CLNK: variants seen among roughly 807,000 people sequenced by gnomAD.
The protein encoded by CLNK is cytokine-dependent hematopoietic cell linker.
CLNK carries 74 observed loss-of-function variants against 68.6 expected under a neutral mutation model. The ratio of observed to expected loss-of-function variants is 1.08; its 90% CI spans 0.89 to 1.31. The LOEUF is 1.31. Ranked by LOEUF, CLNK falls within the 50% of genes most tolerant of loss-of-function variation. The pLI is 0.00. For missense variants in CLNK, 553 were observed against 515.3 expected (o/e 1.07, Z -0.71); for synonymous variants, 198 against 172.2 (o/e 1.15, Z -1.17).
intron 17 of CLNK, among the ~76,000 whole-genome samples, chr4:10,504,483 A>G (rs561847204): frequency 1.3e-5 from 2 of 152,310 alleles, no homozygotes; most frequent in African/African-American, 4.8e-5. Flanking sequence ...TTTACAGGTA[A>G]AGGAATAAAG....
chr4:10,622,305 G>A (rs990799192), intron 2 of CLNK, among the ~76,000 whole-genome samples: 4 of 152,268 alleles, frequency 2.6e-5, no homozygotes, highest in Non-Finnish European at 5.9e-5. Flanking sequence ...ACTCTGGGAG[G>A]CAAACTTGGG....
chr4:10,685,610 A>T (rs1337074278), upstream of CLNK, among the ~76,000 whole-genome samples: 1 of 152,166 alleles, frequency 6.6e-6, no homozygotes. Context: ...AAACTCCAAC[A>T]TTATTTACAA....
chr4:10,533,589 CTTACATCT>C (rs1718635006), intron 11 of CLNK, among the ~76,000 whole-genome samples: 1 of 152,190 alleles, frequency 6.6e-6, no homozygotes, highest in South Asian at 2.1e-4. Flanking sequence ...GTTTTAGCCT[CTTACATCT>C]TACCCCCTGC....
rs561101671 is a variant in CLNK, at chr4:10,667,465, C to G, written c.11+394G>C. Among the ~76,000 whole-genome samples, 3 of 150,384 alleles carry G rather than the reference C, an allele frequency of 2.0e-5. No individual in the cohort carries two copies. In the South Asian group the frequency reaches 6.3e-4, roughly 32 times the overall value. On this transcript the variant is annotated intron_variant, in intron 2 of 18. Transcript: ENST00000226951. ...ATTTCGGTGTCTCAGACTGACCACA[C>G]CACTTTTGGTGTCCACAAAGAGAAA...
chr4:10,679,209 C>T (rs1252902073), intron 1 of CLNK, among the ~76,000 whole-genome samples: 6 of 152,092 alleles, frequency 3.9e-5, no homozygotes, highest in Non-Finnish European at 2.9e-5. Context: ...AGAAATAATG[C>T]CACATATCTA....
chr4:10,688,889 A>G (rs944306660), upstream of CLNK, among the ~76,000 whole-genome samples: 1 of 152,044 alleles, frequency 6.6e-6, no homozygotes, highest in Non-Finnish European at 1.5e-5. Flanking sequence ...ACAATTATAG[A>G]CTCACAAGAA....
Position 10,490,296 on chromosome 4 carries a change from G to T in CLNK, c.*171C>A. ...GCATGTTATAAATATTTTCTCTGTGGTTTGAACTTTCAAAACCGTGAGTGA... is the reference window on the plus strand; with the variant it reads ...GCATGTTATAAATATTTTCTCTGTGTTTTGAACTTTCAAAACCGTGAGTGA... On this transcript the variant is annotated 3_prime_UTR_variant, in exon 19 of 19. Coordinates refer to ENST00000226951, the MANE Select transcript of CLNK (RefSeq NM_052964.4). The T allele has an allele frequency of 1.9e-6, 1 of 521,272 alleles. No homozygotes were observed. Among genetic ancestry groups the T allele is most frequent in the Non-Finnish European group, 3.2e-6 (1 of 316,498 alleles). The allele number at this position is 521,272 out of a possible 1,614,324, so 32.3% of individuals were successfully genotyped here.
intron 8 of CLNK, among the ~76,000 whole-genome samples, chr4:10,548,384 C>G (rs765951583): frequency 3.3e-5 from 5 of 152,158 alleles, no homozygotes; most frequent in Admixed American, 1.3e-4. Context: ...GTATCAGTTC[C>G]TTGTCTATAT....
At chr4:10,528,041 G>A in intron 13 of CLNK, 35 bp downstream of exon 13, 1 of 1,225,844 alleles carries the variant, frequency 8.2e-7, no homozygotes, top group Non-Finnish European at 1.1e-6. Context: ...TAGTCTATTA[G>A]TATTAGGGTA....
At position 10,488,793 on chromosome 4, in the gene CLNK, A is replaced by AGGG. The variant is rs1716446080; in HGVS notation, c.*1673_*1674insCCC. 1 of 152,232 alleles carries AGGG rather than the reference A, an allele frequency of 6.6e-6. No homozygotes were observed. The highest frequency in any genetic ancestry group is 6.5e-5 in the Admixed American group (1 of 15,282). 9.4% of individuals were successfully genotyped at this position (152,232 alleles called of 1,614,324 possible). On this transcript the variant is annotated 3_prime_UTR_variant, in exon 19 of 19. Transcript: ENST00000226951. Reference sequence around the variant, plus strand: ...GAGAGCTCATTGTCTGCTGTCTTACAAAAGAGATAATCCTGCACATTGTTT... The same window carrying AGGG: ...GAGAGCTCATTGTCTGCTGTCTTACAGGGAAAGAGATAATCCTGCACATTGTTT...
chr4:10,632,733 G>A (rs1224889986), intron 2 of CLNK, among the ~76,000 whole-genome samples: 1 of 152,036 alleles, frequency 6.6e-6, no homozygotes, highest in African/African-American at 2.4e-5. Context: ...ACACACCCAT[G>A]TTACCTTTGT....
At chr4:10,699,315 A>G in the CLNK span, among the ~76,000 whole-genome samples, 5 of 79,804 alleles carry the variant, frequency 6.3e-5, no homozygotes, top group Admixed American at 6.1e-4. Context: ...ACATACGTGT[A>G]TACACACACA....
chr4:10,714,802 C>A, the CLNK span, among the ~76,000 whole-genome samples: 2 of 151,814 alleles, frequency 1.3e-5, no homozygotes, highest in Non-Finnish European at 2.9e-5. Context: ...TTAACAAAAT[C>A]CTGATTTCAT....
At chr4:10,722,878 C>T in the CLNK span, among the ~76,000 whole-genome samples, 3 of 152,190 alleles carry the variant, frequency 2.0e-5, no homozygotes, top group Non-Finnish European at 2.9e-5. Flanking sequence ...GGCAAAACAC[C>T]GTCTCTACTA....
intron 3 of CLNK, among the ~76,000 whole-genome samples, chr4:10,597,397 T>A (rs1049100970): frequency 6.6e-6 from 1 of 152,196 alleles, no homozygotes; most frequent in Non-Finnish European, 1.5e-5. Context: ...TAGTCAGTAA[T>A]TCGATCAAGT....
At chr4:10,539,123 A>C (rs1718915406) in intron 11 of CLNK, among the ~76,000 whole-genome samples, 1 of 152,232 alleles carries the variant, frequency 6.6e-6, no homozygotes, top group South Asian at 2.1e-4. Flanking sequence ...CTTTATAGCA[A>C]TGTGAGAACT....
intron 4 of CLNK, among the ~76,000 whole-genome samples, chr4:10,578,316 C>G (rs1272762962): frequency 1.3e-5 from 2 of 152,152 alleles, no homozygotes; most frequent in Admixed American, 1.3e-4. Context: ...AAATGTGTGG[C>G]TTTTTCAGCA....
rs1718289383 is a variant in CLNK at position 10,525,765 on chromosome 4, T to C, written c.731+76A>G. The stretch of plus-strand genomic sequence containing the variant: ...AGACTTTCGTTTCTCAGAAAGTCTT[T>C]GTGATCATTTATCTGAGACAGCACA... On this transcript the variant is annotated intron_variant, in intron 14 of 18. Transcript: ENST00000226951. The C allele has an allele frequency of 2.3e-5, 19 of 831,948 alleles. No homozygotes were observed. In the South Asian group the frequency reaches 2.8e-4, roughly 12 times the overall value. 51.5% of individuals were successfully genotyped at this position (831,948 alleles called of 1,614,324 possible). A position where few individuals can be genotyped will look rare whatever the true frequency, so the allele number is the denominator to read the frequency against.
Position 10,667,956 on chromosome 4 carries a change from G to T in CLNK, c.-42-45C>A. 1.5e-5 allele frequency: 17 copies of T among 1,115,486 alleles called. No homozygotes were observed. In the East Asian group the frequency reaches 2.2e-4, roughly 14 times the overall value. 69.1% of individuals were successfully genotyped at this position (1,115,486 alleles called of 1,614,324 possible). On this transcript the variant is annotated intron_variant, in intron 1 of 18. Transcript: ENST00000226951. Reference sequence around the variant, plus strand: ...CGCGTTACTGGAACTTCCACATCATGTTTTAATTCTGGGGAACAAGCCACT... The same window carrying T: ...CGCGTTACTGGAACTTCCACATCATTTTTTAATTCTGGGGAACAAGCCACT...
Sources: allele counts gnomAD v4.1 joint callset (sites outside exome capture counted in the v4.1 genomes callset), GRCh38; gene constraint gnomAD v4.1.1; transcripts MANE v1.5; gene names NCBI Gene and HGNC (gene_info 2026-07-23, HGNC 2026-07-21).